The following VPS53 variants were observed in gnomAD, a reference collection of about 807,000 sequenced individuals.
VPS53 encodes the protein vacuolar protein sorting-associated protein 53 homolog.
Under a neutral mutation model 107.0 loss-of-function variants are expected in VPS53, and 70 were observed. The observed-to-expected ratio is 0.65, with a 90% CI of 0.54 to 0.80. VPS53 has a LOEUF of 0.80. VPS53 is among the 30% of genes least tolerant of loss of function. The pLI is 0.00. For missense variants in VPS53, 917 were observed against 1,049.4 expected (o/e 0.87, Z 1.74); for synonymous variants, 409 against 393.3 (o/e 1.04, Z -0.47).
chr17:707,786 C>A (rs4968101), intron 2 of VPS53, among the ~76,000 whole-genome samples: 118,531 of 149,724 alleles, frequency 0.79, 47,363 homozygotes, highest in East Asian at 0.9. Flanking sequence ...CGGGAGTTCA[C>A]AGTTACTGTG....
intron 7 of VPS53, among the ~76,000 whole-genome samples, chr17:640,292 G>A (rs372790184): frequency 2.7e-4 from 41 of 152,220 alleles, no homozygotes; most frequent in Middle Eastern, 3.4e-3. Context: ...TCCAGGTGCC[G>A]TCTGTCACAC....
chr17:647,472 A>G (rs547321276), intron 7 of VPS53, among the ~76,000 whole-genome samples: 4 of 152,386 alleles, frequency 2.6e-5, no homozygotes, highest in Non-Finnish European at 5.9e-5. Flanking sequence ...ACAAATGAAT[A>G]TGAAAGAGAT....
intron 15 of VPS53, 45 bp downstream of exon 15, chr17:560,381 G>A: frequency 1.9e-6 from 3 of 1,591,924 alleles, no homozygotes; most frequent in Non-Finnish European, 2.6e-6. Flanking sequence ...CAGCCCAGAG[G>A]GTTCAGGAAA....
intron 15 of VPS53, among the ~76,000 whole-genome samples, chr17:557,862 T>TC (rs1228064058): frequency 1.4e-4 from 21 of 150,182 alleles, no homozygotes; most frequent in African/African-American, 4.9e-4. Flanking sequence ...TATCTTTTTT[T>TC]TTTTTTTTTT....
At chr17:681,446 T>C (rs770501669) in intron 4 of VPS53, among the ~76,000 whole-genome samples, 4 of 152,212 alleles carry the variant, frequency 2.6e-5, no homozygotes, top group Non-Finnish European at 2.9e-5. Context: ...ACAAAACAAA[T>C]TTCTTGAGAA....
At chr17:641,031 T>C (rs975295872) in intron 7 of VPS53, among the ~76,000 whole-genome samples, 1 of 152,108 alleles carries the variant, frequency 6.6e-6, no homozygotes, top group Non-Finnish European at 1.5e-5. Context: ...ATTTTTTGTA[T>C]TTTTAGTAGA....
At chr17:634,762 A>G (rs1391168105) in intron 7 of VPS53, among the ~76,000 whole-genome samples, 2 of 151,926 alleles carry the variant, frequency 1.3e-5, no homozygotes, top group African/African-American at 2.4e-5. Flanking sequence ...TCCATGGTGT[A>G]TATGTGCCAC....
intron 13 of VPS53, among the ~76,000 whole-genome samples, chr17:572,843 G>C (rs1914294264): frequency 6.6e-6 from 1 of 150,636 alleles, no homozygotes; most frequent in Non-Finnish European, 1.5e-5. Flanking sequence ...TGCTCGTTAA[G>C]AGTCATCACC....
At chr17:655,527 G>A (rs561849384) in intron 6 of VPS53, among the ~76,000 whole-genome samples, 31 of 148,836 alleles carry the variant, frequency 2.1e-4, no homozygotes, top group African/African-American at 7.2e-4. Context: ...CTGTCTGCCT[G>A]GAGTGAATAT....
intron 18 of VPS53, among the ~76,000 whole-genome samples, chr17:534,120 G>A (rs995091752): frequency 3.3e-5 from 5 of 152,222 alleles, no homozygotes; most frequent in African/African-American, 7.2e-5. Context: ...GATGACAGGC[G>A]TGAGCCACCG....
intron 7 of VPS53, among the ~76,000 whole-genome samples, chr17:640,537 A>C (rs1335602447): frequency 1.3e-5 from 2 of 152,098 alleles, no homozygotes; most frequent in Non-Finnish European, 2.9e-5. Context: ...CAGCCATCTT[A>C]GAACTGCCTA....
chr17:566,070 G>A (rs914815692), intron 13 of VPS53, among the ~76,000 whole-genome samples: 1 of 150,876 alleles, frequency 6.6e-6, no homozygotes, highest in Non-Finnish European at 1.5e-5. Context: ...CAGGCGTAGT[G>A]GCGGGCGCCT....
At chr17:530,711 A>G (rs990176200) in intron 19 of VPS53, among the ~76,000 whole-genome samples, 3 of 152,216 alleles carry the variant, frequency 2.0e-5, no homozygotes, top group South Asian at 2.1e-4. Context: ...AGGTGAACGC[A>G]GTCATAAGAA....
intron 17 of VPS53, among the ~76,000 whole-genome samples, chr17:546,769 C>G (rs184359437): frequency 6.6e-6 from 1 of 151,866 alleles, no homozygotes; most frequent in Non-Finnish European, 1.5e-5. Context: ...AAAGGTACAA[C>G]GGCACAGTCA....
At chr17:586,633 C>G (rs980074974) in intron 12 of VPS53, among the ~76,000 whole-genome samples, 2 of 152,230 alleles carry the variant, frequency 1.3e-5, no homozygotes, top group African/African-American at 4.8e-5. Context: ...CATCATCTAT[C>G]TGACTGGTGT....
intron 10 of VPS53, 141 bp downstream of exon 10, chr17:627,033 G>T (rs1257117090): frequency 3.6e-6 from 4 of 1,099,192 alleles, no homozygotes; most frequent in Non-Finnish European, 3.7e-6. Context: ...GGGCCACTGT[G>T]GGGTACGAGG....
At chr17:657,943 TAAA>T (rs1971263899) in intron 5 of VPS53, among the ~76,000 whole-genome samples, 4 of 150,730 alleles carry the variant, frequency 2.7e-5, no homozygotes, top group African/African-American at 7.3e-5. Flanking sequence ...TACATCGCAC[TAAA>T]GTGAGAAACT....
chr17:597,241 A>G (rs995477256), intron 12 of VPS53, among the ~76,000 whole-genome samples: 1 of 152,162 alleles, frequency 6.6e-6, no homozygotes, highest in Non-Finnish European at 1.5e-5. Flanking sequence ...CAGCCATGAA[A>G]TGGGTTAGGT....
At position 655,837 on chromosome 17, in the gene VPS53, C is replaced by T. The variant is rs1418046424; in HGVS notation, c.488+1G>A. On this transcript the variant is annotated splice_donor_variant, in intron 6 of 21. Coordinates refer to ENST00000437048, the MANE Select transcript of VPS53 (RefSeq NM_001128159.3). LOFTEE classifies it high-confidence loss of function. ...CAAAAGAGAAAGTTGGCATTGCTTA[C>T]TCGAGGGAGTCGACACCTCCTGCCA... 6.2e-7 allele frequency: 1 copy of T among 1,611,518 alleles called. No individual in the cohort carries two copies. Among genetic ancestry groups the T allele is most frequent in the Non-Finnish European group, 8.5e-7 (1 of 1,178,974 alleles).
Sources: allele counts gnomAD v4.1 joint callset (sites outside exome capture counted in the v4.1 genomes callset), GRCh38; gene constraint gnomAD v4.1.1; transcripts MANE v1.5; gene names NCBI Gene and HGNC (gene_info 2026-07-23, HGNC 2026-07-21).